Variants in SMIM13 observed in about 807,000 individuals in gnomAD.
SMIM13 encodes small integral membrane protein 13.
SMIM13 carries 3 observed loss-of-function variants against 5.9 expected under a neutral mutation model. The ratio of observed to expected loss-of-function variants is 0.51; its 90% CI spans 0.23 to 1.31. The LOEUF is 1.31. SMIM13 is among the 40% of genes most tolerant of loss of function. The probability of loss-of-function intolerance (pLI) is 0.18; values close to 1 mark genes in which losing one functional copy is unlikely to be tolerated. For synonymous variants in SMIM13, 55 were observed against 46.0 expected (o/e 1.19, Z -0.79); for missense variants, 85 against 109.9 (o/e 0.77, Z 1.01).
At chr6:11,128,031 C>T (rs78812524) in intron 1 of SMIM13, among the ~76,000 whole-genome samples, 3,392 of 152,296 alleles carry the variant, frequency 0.022, 54 homozygotes, top group South Asian at 0.049. Flanking sequence ...TGAGCTGGTA[C>T]CCAAGCTGCA....
In SMIM13 at chr6:11,134,904, A is replaced by G. The variant is rs531483650; in HGVS notation, c.*302A>G. The stretch of plus-strand genomic sequence containing the variant: ...GTAAACATTAAAGGCTTGAAAAACC[A>G]TATTTTGTTAGCCCTAAAATGTACA... On this transcript the variant is annotated 3_prime_UTR_variant, in exon 2 of 2. Coordinates refer to ENST00000416247, the MANE Select transcript of SMIM13 (RefSeq NM_001135575.2). 5 of 196,898 alleles carry G rather than the reference A, an allele frequency of 2.5e-5. No individual in the cohort carries two copies. Among genetic ancestry groups the G allele is most frequent in the South Asian group, 1.8e-4 (1 of 5,710 alleles). The allele number at this position is 196,898 out of a possible 1,614,324, so 12.2% of individuals were successfully genotyped here.
chr6:11,098,112 T>G (rs1757948289), intron 1 of SMIM13, among the ~76,000 whole-genome samples: 1 of 152,156 alleles, frequency 6.6e-6, no homozygotes, highest in Non-Finnish European at 1.5e-5. Context: ...GGGAACACAG[T>G]TCCTGTCCCT....
At position 11,134,570 on chromosome 6, in the gene SMIM13, C is replaced by G. The variant is rs1394985828; in HGVS notation, c.244C>G (p.Pro82Ala). 1.3e-6 allele frequency: 2 copies of G among 1,548,612 alleles called. No individual in the cohort carries two copies. Residue 82 changes from proline (P) to alanine (A), a missense_variant, in exon 2 of 2, where the codon CCT becomes GCT. Physicochemically the swap from Pro to Ala is conservative, Grantham distance 27 (BLOSUM62 -1). Transcript: ENST00000416247. Reference sequence around the variant, plus strand: ...CAGATCCGCTCGCCAAAGGAGGGCACCTGCTGATGAAGGCCACAGACCCCT... The same window carrying G: ...CAGATCCGCTCGCCAAAGGAGGGCAGCTGCTGATGAAGGCCACAGACCCCT... The part of the protein sequence containing the change: ...RIRSARQRRA[P>A]ADEGHRPLT
chr6:11,096,590 A>G (rs1374581925), intron 1 of SMIM13, among the ~76,000 whole-genome samples: 4 of 152,192 alleles, frequency 2.6e-5, no homozygotes, highest in African/African-American at 9.7e-5. Context: ...ACCAGACTTA[A>G]GAGAGAAATT....
intron 1 of SMIM13, among the ~76,000 whole-genome samples, chr6:11,127,037 T>C (rs1295351430): frequency 6.6e-6 from 1 of 152,178 alleles, no homozygotes; most frequent in Non-Finnish European, 1.5e-5. Flanking sequence ...AGGGATAACA[T>C]AGTCACCCCT....
intron 1 of SMIM13, among the ~76,000 whole-genome samples, chr6:11,114,820 G>A (rs551197747): frequency 9.4e-4 from 143 of 151,728 alleles, no homozygotes; most frequent in African/African-American, 3.3e-3. Context: ...GGCTGGTCTC[G>A]AACTCTTGAC....
At chr6:11,103,892 C>T (rs866974566) in intron 1 of SMIM13, 1 of 1,551,606 alleles carries the variant, frequency 6.4e-7, no homozygotes, top group Non-Finnish European at 8.7e-7. Flanking sequence ...AAGTTCCTTC[C>T]CAATTTAACC....
chr6:11,126,651 G>A (rs749780671), intron 1 of SMIM13, among the ~76,000 whole-genome samples: 11 of 152,058 alleles, frequency 7.2e-5, no homozygotes, highest in Non-Finnish European at 1.5e-4. Flanking sequence ...ATTTGGTGAG[G>A]TCGTGTTTTC....
intron 1 of SMIM13, among the ~76,000 whole-genome samples, chr6:11,117,264 C>T (rs1160189419): frequency 2.1e-4 from 30 of 144,650 alleles, no homozygotes; most frequent in Middle Eastern, 3.7e-3. Context: ...CCCGGGTTCA[C>T]GCCATTCTCC....
Position 11,138,188 on chromosome 6 carries a change from T to C in SMIM13, c.*3586T>C, listed in dbSNP as rs919894488. 3.9e-5 allele frequency: 6 copies of C among 152,168 alleles called. No homozygotes were observed. The highest frequency in any genetic ancestry group is 1.4e-4 in the African/African-American group (6 of 41,446). 9.4% of individuals were successfully genotyped at this position (152,168 alleles called of 1,614,324 possible). ...TGCTTTTTATATTTGAGGTTGACTTTAAAAAGCCATTGAGCAGTCCTCAGA... is the reference window on the plus strand; with the variant it reads ...TGCTTTTTATATTTGAGGTTGACTTCAAAAAGCCATTGAGCAGTCCTCAGA... On this transcript the variant is annotated 3_prime_UTR_variant, in exon 2 of 2. Coordinates refer to ENST00000416247, the MANE Select transcript of SMIM13 (RefSeq NM_001135575.2).
intron 1 of SMIM13, among the ~76,000 whole-genome samples, chr6:11,113,719 G>A (rs1483856057): frequency 1.3e-5 from 2 of 152,016 alleles, no homozygotes; most frequent in African/African-American, 2.4e-5. Context: ...GGGAATTACA[G>A]GCATGTGCCA....
At chr6:11,122,077 C>T (rs2208842) in intron 1 of SMIM13, among the ~76,000 whole-genome samples, 117,447 of 152,148 alleles carry the variant, frequency 0.77, 46,107 homozygotes, top group African/African-American at 0.91. Context: ...CCACAATTCA[C>T]TGGCAGCAGC....
rs780882196 is a variant in SMIM13, at chr6:11,103,674, G to A, written c.76+9285G>A. The A allele has an allele frequency of 3.7e-5, 57 of 1,525,900 alleles. No individual in the cohort carries two copies. The Admixed American group carries it at 8.6e-4, about 23-fold the overall frequency. The allele number at this position is 1,525,900 out of a possible 1,614,324, so 94.5% of individuals were successfully genotyped here. On this transcript the variant is annotated intron_variant, in intron 1 of 1. Transcript: ENST00000416247. The stretch of plus-strand genomic sequence containing the variant: ...TTCGCCTCTGTCGTGTTCCACTAGC[G>A]AGCAGTCTAGGGGTCCTCCTTAGAA...
chr6:11,131,477 A>G (rs895343174), intron 1 of SMIM13, among the ~76,000 whole-genome samples: 11 of 152,198 alleles, frequency 7.2e-5, no homozygotes, highest in African/African-American at 2.4e-4. Context: ...TAGTCAAAAC[A>G]ATCTTGAAAA....
intron 1 of SMIM13, among the ~76,000 whole-genome samples, chr6:11,095,658 G>A (rs1757914227): frequency 6.6e-6 from 1 of 152,174 alleles, no homozygotes. Flanking sequence ...GGCCTTGTAT[G>A]TATGTTTAAA....
At position 11,136,873 on chromosome 6, in the gene SMIM13, G is replaced by C. The variant is rs1265360801; in HGVS notation, c.*2271G>C. 1 of 151,882 alleles carries C rather than the reference G, an allele frequency of 6.6e-6. No homozygotes were observed. Among genetic ancestry groups the C allele is most frequent in the Non-Finnish European group, 1.5e-5 (1 of 67,952 alleles). The allele number at this position is 151,882 out of a possible 1,614,324, so 9.4% of individuals were successfully genotyped here. A position where few individuals can be genotyped will look rare whatever the true frequency, so the allele number is the denominator to read the frequency against. ...TTGGGGGCATTATTTGGTACTGGGA[G>C]GATATTTAAATTAGATTTTTCATAG... is the stretch of plus-strand genomic sequence containing the variant. On this transcript the variant is annotated 3_prime_UTR_variant, in exon 2 of 2. Coordinates refer to ENST00000416247, the MANE Select transcript of SMIM13 (RefSeq NM_001135575.2).
chr6:11,094,451 T>A, intron 1 of SMIM13, 62 bp downstream of exon 1: 1 of 1,318,354 alleles, frequency 7.6e-7, no homozygotes, highest in East Asian at 2.5e-5. Context: ...TGCTGGGGTT[T>A]TTTTTGTTGT....
chr6:11,131,396 G>A (rs1758448184), intron 1 of SMIM13, among the ~76,000 whole-genome samples: 2 of 150,524 alleles, frequency 1.3e-5, no homozygotes, highest in South Asian at 4.2e-4. Context: ...CAAAATTCTT[G>A]ATGCCATTTT....
Position 11,138,107 on chromosome 6 carries a change from A to G in SMIM13, c.*3505A>G, listed in dbSNP as rs1019109262. On this transcript the variant is annotated 3_prime_UTR_variant, in exon 2 of 2. Transcript: ENST00000416247. Reference sequence around the variant, plus strand: ...TTAAAAGTCAGTTTTCTCAAGTAGTATGTTGTAACGTAAGATGTAACTGAT... The same window carrying G: ...TTAAAAGTCAGTTTTCTCAAGTAGTGTGTTGTAACGTAAGATGTAACTGAT... 10 of 152,210 alleles carry G rather than the reference A, an allele frequency of 6.6e-5. No individual in the cohort carries two copies. The highest frequency in any genetic ancestry group is 1.9e-4 in the African/African-American group (8 of 41,462). The allele number at this position is 152,210 out of a possible 1,614,324, so 9.4% of individuals were successfully genotyped here. A position where few individuals can be genotyped will look rare whatever the true frequency, so the allele number is the denominator to read the frequency against.
Sources: allele counts gnomAD v4.1 joint callset (sites outside exome capture counted in the v4.1 genomes callset), GRCh38; gene constraint gnomAD v4.1.1; transcripts MANE v1.5; gene names NCBI Gene and HGNC (gene_info 2026-07-23, HGNC 2026-07-21).